GFRA2: variants seen among roughly 807,000 people sequenced by gnomAD.
The protein encoded by GFRA2 is GDNF family receptor alpha-2.
GFRA2 carries 17 observed loss-of-function variants against 48.3 expected under a neutral mutation model. The ratio of observed to expected loss-of-function variants is 0.35; its 90% CI spans 0.24 to 0.53. GFRA2 has a LOEUF of 0.53. GFRA2 is among the 20% of genes least tolerant of loss of function. The pLI is 0.93. For missense variants in GFRA2, 660 were observed against 637.3 expected (o/e 1.04, Z -0.38); for synonymous variants, 305 against 257.2 (o/e 1.19, Z -1.78).
intron 3 of GFRA2, among the ~76,000 whole-genome samples, chr8:21,762,598 T>C (rs1805968250): frequency 6.6e-6 from 1 of 152,222 alleles, no homozygotes; most frequent in African/African-American, 2.4e-5. Flanking sequence ...TGAACATCAA[T>C]TTGAAATAAA....
chr8:21,705,880 G>C, intron 5 of GFRA2, 52 bp downstream of exon 5: 1 of 1,264,544 alleles, frequency 7.9e-7, no homozygotes, highest in Non-Finnish European at 1.1e-6. Context: ...CTGCCCTGCT[G>C]AGATGGGGGC....
intron 3 of GFRA2, among the ~76,000 whole-genome samples, chr8:21,773,512 C>T (rs1402224713): frequency 6.6e-5 from 10 of 152,296 alleles, no homozygotes; most frequent in East Asian, 3.9e-4. Flanking sequence ...ACGGGAAGGA[C>T]GGGCGTCACC....
chr8:21,756,291 T>C (rs1444718760), intron 3 of GFRA2, among the ~76,000 whole-genome samples: 8 of 152,074 alleles, frequency 5.3e-5, no homozygotes, highest in Non-Finnish European at 1.2e-4. Flanking sequence ...ACTTGGTAAA[T>C]TTCCTAGGAA....
chr8:21,790,017 TC>T, upstream of GFRA2: 1 of 954,188 alleles, frequency 1.0e-6, no homozygotes, highest in Non-Finnish European at 1.2e-6. Flanking sequence ...GGGTTCCTCC[TC>T]CCCTAGCCGG....
intron 4 of GFRA2, among the ~76,000 whole-genome samples, chr8:21,706,812 G>C (rs571977334): frequency 6.6e-6 from 1 of 152,218 alleles, no homozygotes; most frequent in Admixed American, 6.5e-5. Flanking sequence ...GGCAGACAGT[G>C]TCTGAGCTGG....
chr8:21,701,289 G>C (rs1032389364), intron 7 of GFRA2, among the ~76,000 whole-genome samples: 1 of 152,214 alleles, frequency 6.6e-6, no homozygotes, highest in East Asian at 1.9e-4. Flanking sequence ...AGCTACTCGG[G>C]AGGCTGAGGC....
chr8:21,705,229 A>G, intron 5 of GFRA2, 104 bp from the exon 6 acceptor site: 1 of 1,180,912 alleles, frequency 8.5e-7, no homozygotes, highest in Non-Finnish European at 1.2e-6. Flanking sequence ...CGTGGTACCC[A>G]TCCTCTGACC....
intron 2 of GFRA2, among the ~76,000 whole-genome samples, chr8:21,777,118 G>A (rs932454347): frequency 6.6e-5 from 10 of 152,272 alleles, no homozygotes; most frequent in Admixed American, 3.9e-4. Flanking sequence ...GGAGCACAGA[G>A]ACATTAAGTA....
intron 4 of GFRA2, among the ~76,000 whole-genome samples, chr8:21,736,562 C>T (rs1166596671): frequency 6.6e-6 from 1 of 152,024 alleles, no homozygotes; most frequent in African/African-American, 2.4e-5. Flanking sequence ...GTGGCAAGAT[C>T]ATAGCTCACA....
chr8:21,738,487 C>T (rs982308596), intron 4 of GFRA2, among the ~76,000 whole-genome samples: 2 of 151,846 alleles, frequency 1.3e-5, no homozygotes, highest in African/African-American at 2.4e-5. Flanking sequence ...CTGCACACAG[C>T]GGCCAAAGGG....
chr8:21,751,652 A>G (rs1296874881), intron 3 of GFRA2, among the ~76,000 whole-genome samples: 1 of 151,670 alleles, frequency 6.6e-6, no homozygotes, highest in Non-Finnish European at 1.5e-5. Flanking sequence ...CCTGAGCACC[A>G]CTCTCTCCAC....
rs1391716158 is a variant in GFRA2, at chr8:21,782,860, T to C, written c.80A>G (p.Gln27Arg). The change falls in exon 2 of 9, where the codon CAG becomes CGG. Residue 27 changes from glutamine to arginine, a missense_variant. Coordinates refer to ENST00000524240, the MANE Select transcript of GFRA2 (RefSeq NM_001495.5). ...LRSLASPSSL[Q>R]GPELHGWRPP... is the part of the protein sequence containing the mutation. ...GCGCCAGCCGTGGAGCTCGGGGCCC[T>C]GCAGGGAGGAAGGGCTGGCCAAAGA... 5 of 1,568,062 alleles carry C rather than the reference T, an allele frequency of 3.2e-6. No individual in the cohort carries two copies. The highest frequency in any genetic ancestry group is 2.7e-5 in the African/African-American group (2 of 74,202).
chr8:21,717,591 A>G (rs1389102527), intron 4 of GFRA2, among the ~76,000 whole-genome samples: 2 of 152,188 alleles, frequency 1.3e-5, no homozygotes, highest in South Asian at 2.1e-4. Flanking sequence ...GAGTTATTAT[A>G]AACAATGATT....
At chr8:21,733,205 T>A (rs1053597287) in intron 4 of GFRA2, among the ~76,000 whole-genome samples, 6 of 152,020 alleles carry the variant, frequency 3.9e-5, no homozygotes, top group African/African-American at 1.2e-4. Flanking sequence ...GCATCCCAGG[T>A]ACCCACCTTC....
Position 21,788,528 on chromosome 8 carries a change from G to A in GFRA2, c.-369C>T, listed in dbSNP as rs919290482. On this transcript the variant is annotated 5_prime_UTR_variant, in exon 1 of 9. Coordinates refer to ENST00000524240, the MANE Select transcript of GFRA2 (RefSeq NM_001495.5). ...CCAATTCCCCTGCGCTTCCCAGGAG[G>A]GGCCTGGGGAGGTGGGGAGAGAGGC... is the stretch of plus-strand genomic sequence containing the variant. 3.9e-6 allele frequency: 4 copies of A among 1,034,280 alleles called. No individual in the cohort carries two copies. The highest frequency in any genetic ancestry group is 8.9e-5 in the South Asian group (2 of 22,380). 64.1% of individuals were successfully genotyped at this position (1,034,280 alleles called of 1,614,324 possible). A position where few individuals can be genotyped will look rare whatever the true frequency, so the allele number is the denominator to read the frequency against.
chr8:21,726,750 AT>A (rs35319026), intron 4 of GFRA2, among the ~76,000 whole-genome samples: 22,093 of 113,022 alleles, frequency 0.2, 1,388 homozygotes, highest in African/African-American at 0.31. Context: ...CAAACACCCT[AT>A]TTTTTTTTTT....
chr8:21,724,526 A>C (rs945806089), intron 4 of GFRA2, among the ~76,000 whole-genome samples: 1 of 152,148 alleles, frequency 6.6e-6, no homozygotes, highest in Non-Finnish European at 1.5e-5. Context: ...CAAGTAATGG[A>C]CTGATAAAAA....
intron 7 of GFRA2, among the ~76,000 whole-genome samples, chr8:21,698,138 GGCTCCAGT>G (rs1267049054): frequency 6.6e-6 from 1 of 152,164 alleles, no homozygotes; most frequent in East Asian, 1.9e-4. Flanking sequence ...AGGCATCTGT[GGCTCCAGT>G]CCAAAAGCAC....
At chr8:21,740,174 A>C (rs1184064210) in intron 4 of GFRA2, among the ~76,000 whole-genome samples, 1 of 152,176 alleles carries the variant, frequency 6.6e-6, no homozygotes, top group African/African-American at 2.4e-5. Flanking sequence ...CTGCAATGGC[A>C]GGGTCACTCT....
Sources: gnomAD v4.1 joint callset for allele counts (sites outside exome capture counted in the v4.1 genomes callset) on GRCh38, gnomAD v4.1.1 for gene constraint, MANE v1.5 for transcripts, NCBI Gene and HGNC (gene_info 2026-07-23, HGNC 2026-07-21) for gene names.